Variants in LTF observed in about 807,000 individuals in gnomAD.
LTF encodes lactotransferrin.
In LTF, 91 loss-of-function variants were observed where a neutral mutation model predicts 87.2. That is an observed-to-expected ratio of 1.04 (90% CI 0.88 to 1.24). The LOEUF (loss-of-function observed/expected upper bound fraction) is 1.24. LTF is among the 50% of genes most tolerant of loss of function. The pLI is 0.00. For missense variants in LTF, 901 were observed against 904.3 expected, an observed-to-expected ratio of 1.00 and a Z score of 0.05; for synonymous variants, 378 against 356.1, an observed-to-expected ratio of 1.06 and a Z score of -0.69.
chr3:46,465,890 G>T (rs1196854273), upstream of LTF, among the ~76,000 whole-genome samples: 4 of 149,114 alleles, frequency 2.7e-5, no homozygotes, highest in African/African-American at 9.7e-5. Context: ...GTGCCTGTGG[G>T]ACACATTGGG....
intron 12 of LTF, among the ~76,000 whole-genome samples, chr3:46,444,085 A>ATTT (rs1702588280): frequency 4.6e-5 from 7 of 152,198 alleles, no homozygotes; most frequent in African/African-American, 1.4e-4. Flanking sequence ...CCAGCTTCTC[A>ATTT]GAAACATCCT....
chr3:46,482,495 G>A (rs1383595047), intron 1 of LTF, among the ~76,000 whole-genome samples: 1 of 3,462 alleles, frequency 2.9e-4, no homozygotes, highest in East Asian at 0.024. Context: ...GAAGGGAAGG[G>A]AAGGGAAGGG....
chr3:46,461,508 C>T (rs773453207), intron 1 of LTF, among the ~76,000 whole-genome samples: 5 of 152,160 alleles, frequency 3.3e-5, no homozygotes, highest in African/African-American at 4.8e-5. Flanking sequence ...CTCAGTTATG[C>T]TCAGTGAAGG....
At chr3:46,468,085 T>C (rs956299877), upstream of LTF, among the ~76,000 whole-genome samples, 4 of 152,206 alleles carry the variant, frequency 2.6e-5, no homozygotes, top group African/African-American at 7.2e-5. Flanking sequence ...TTATAGGCAC[T>C]TGATGATCAA....
intron 13 of LTF, among the ~76,000 whole-genome samples, chr3:46,442,714 C>A (rs1008331878): frequency 1.3e-4 from 20 of 152,078 alleles, no homozygotes; most frequent in Admixed American, 3.3e-4. Context: ...TGGAACAAGG[C>A]TGTTGAATTT....
intron 8 of LTF, 88 bp downstream of exon 8, chr3:46,449,766 A>C (rs1163118547): frequency 7.1e-7 from 1 of 1,400,440 alleles, no homozygotes; most frequent in Non-Finnish European, 9.9e-7. Context: ...TGTCTGGGAA[A>C]AGGAGTGACC....
chr3:46,438,260 G>C, intron 15 of LTF, 131 bp from the exon 16 acceptor site: 1 of 764,666 alleles, frequency 1.3e-6, no homozygotes, highest in South Asian at 1.7e-5. Flanking sequence ...CTGAGTTCTG[G>C]AGTCATTCCA....
intron 16 of LTF, among the ~76,000 whole-genome samples, chr3:46,436,469 C>A (rs534656983): frequency 2.0e-5 from 3 of 152,218 alleles, no homozygotes; most frequent in African/African-American, 2.4e-5. Flanking sequence ...AGAGACACAA[C>A]CACCCTGCAC....
chr3:46,471,178 C>T (rs1703280643), intron 1 of LTF, among the ~76,000 whole-genome samples: 1 of 152,146 alleles, frequency 6.6e-6, no homozygotes, highest in Admixed American at 6.5e-5. Context: ...GGAGAGCACA[C>T]ACTGCCCCCA....
At chr3:46,482,823 GAGAA>G (rs1703468552) in intron 1 of LTF, among the ~76,000 whole-genome samples, 1 of 145,968 alleles carries the variant, frequency 6.9e-6, no homozygotes, top group African/African-American at 2.5e-5. Flanking sequence ...AAGAAAGAAA[GAGAA>G]AGGGAGGAAG....
In LTF at chr3:46,484,318, G is replaced by A. The variant is rs1057123953; in HGVS notation, c.-320+668C>T. On this transcript the variant is annotated intron_variant, in intron 1 of 19. Coordinates refer to the LTF transcript ENST00000443496. ...ACAAAGTTGTTTGGCAGACTTTGGG[G>A]AACATCTTCTGAACACTTACCATAG... Among the ~76,000 whole-genome samples, 6 of 152,146 alleles carry A rather than the reference G, an allele frequency of 3.9e-5. No individual in the cohort carries two copies. The South Asian group carries it at 6.2e-4, about 16-fold the overall frequency.
In LTF at chr3:46,445,519, A is replaced by T. The variant is rs150435429; in HGVS notation, c.1358-83T>A. 8 of 1,172,922 alleles carry T rather than the reference A, an allele frequency of 6.8e-6. No homozygotes were observed. The East Asian group carries it at 2.0e-4, about 30-fold the overall frequency. 72.7% of individuals were successfully genotyped at this position (1,172,922 alleles called of 1,614,324 possible). The stretch of plus-strand genomic sequence containing the variant: ...ATTCCAGTGGAGCTGTCTACAGCCC[A>T]GGCCAAAACAGGCCAAGAAGCAACA... On this transcript the variant is annotated intron_variant, in intron 11 of 16. Coordinates refer to ENST00000231751, the MANE Select transcript of LTF (RefSeq NM_002343.6).
intron 11 of LTF, 151 bp from the exon 12 acceptor site, chr3:46,445,587 C>T (rs956890950): frequency 1.7e-6 from 1 of 604,908 alleles, no homozygotes; most frequent in Non-Finnish European, 2.9e-6. Context: ...TTTAGGTAGA[C>T]CGAGAAAGCA....
Position 46,482,582 on chromosome 3 carries a change from AGGG to A in LTF, c.-320+2401_-320+2403del, listed in dbSNP as rs1453068117. Among the ~76,000 whole-genome samples the A allele has an allele frequency of 9.9e-3, 1,162 of 117,546 alleles. 241 individuals carry two copies. Among genetic ancestry groups the A allele is most frequent in the East Asian group, 0.018 (59 of 3,226 alleles). The allele number at this position is 117,546 out of a possible 152,430, so 77.1% of individuals were successfully genotyped here. On this transcript the variant is annotated intron_variant, in intron 1 of 19. Transcript: ENST00000443496. The stretch of plus-strand genomic sequence containing the variant: ...AGGGAAGGGAAGGGAAAGGAAAGGA[AGGG>A]AGAAAGAGAGAGAAAGAAAGAAAGA...
intron 1 of LTF, among the ~76,000 whole-genome samples, chr3:46,482,042 T>C (rs1466461923): frequency 6.6e-6 from 1 of 152,154 alleles, no homozygotes; most frequent in East Asian, 1.9e-4. Flanking sequence ...ACATAAGCAT[T>C]TTTTTTCATG....
Position 46,454,377 on chromosome 3 carries a change from C to T in LTF, c.648-17G>A, listed in dbSNP as rs755629613. On this transcript the variant is annotated splice_polypyrimidine_tract_variant and intron_variant, in intron 5 of 16. Transcript: ENST00000231751. The stretch of plus-strand genomic sequence containing the variant: ...CTCAGACACCTGTGAAAAGAGAAAC[C>T]ATCAGGGGTAAGCACAGGCAGCCCT... 3 of 1,613,128 alleles carry T rather than the reference C, an allele frequency of 1.9e-6. No homozygotes were observed. Among genetic ancestry groups the T allele is most frequent in the Non-Finnish European group, 2.5e-6 (3 of 1,179,072 alleles).
At position 46,459,665 on chromosome 3, in the gene LTF, C is replaced by A; in HGVS notation, c.198G>T (p.Gln66His). 6.6e-7 allele frequency: 1 copy of A among 1,516,042 alleles called. No homozygotes were observed. The highest frequency in any genetic ancestry group is 8.8e-7 in the Non-Finnish European group (1 of 1,134,030). 93.9% of individuals were successfully genotyped at this position (1,516,042 alleles called of 1,614,324 possible). The change falls in exon 2 of 17, where the codon CAG becomes CAT. Residue 66 changes from glutamine to histidine, a missense_variant. Coordinates refer to ENST00000231751, the MANE Select transcript of LTF (RefSeq NM_002343.6). Reference protein sequence around the residue: ...IKRDSPIQCIQAIAENRADAV... With the variant: ...IKRDSPIQCIHAIAENRADAV... ...CCCGGCATTGACTCACCGCAATGGC[C>A]TGGATACACTGGATGGGGGAGTCTC... is the stretch of plus-strand genomic sequence containing the variant.
At chr3:46,472,723 C>T (rs760642755) in intron 1 of LTF, among the ~76,000 whole-genome samples, 6 of 151,934 alleles carry the variant, frequency 3.9e-5, no homozygotes, top group Non-Finnish European at 7.4e-5. Flanking sequence ...TAGGGGGAAG[C>T]TGTGGGTATG....
chr3:46,446,612 G>T, intron 10 of LTF, 119 bp from the exon 11 acceptor site: 2 of 798,914 alleles, frequency 2.5e-6, no homozygotes, highest in Admixed American at 2.2e-5. Context: ...GCAGTTCCAT[G>T]CAGGAGAAAT....
Sources: gnomAD v4.1 joint callset for allele counts (sites outside exome capture counted in the v4.1 genomes callset) on GRCh38, gnomAD v4.1.1 for gene constraint, MANE v1.5 for transcripts, NCBI Gene and HGNC (gene_info 2026-07-23, HGNC 2026-07-21) for gene names.